The following CCDC126 variants were observed in gnomAD, a reference collection of about 807,000 sequenced individuals.
CCDC126 encodes coiled-coil domain-containing protein 126.
Under a neutral mutation model 11.7 loss-of-function variants are expected in CCDC126, and 5 were observed. The observed-to-expected ratio is 0.43, with a 90% CI of 0.22 to 0.90. The LOEUF is 0.90. CCDC126 is among the 40% of genes least tolerant of loss of function. CCDC126 has a pLI of 0.27. For synonymous variants in CCDC126, 60 were observed against 61.9 expected (o/e 0.97, Z 0.14); for missense variants, 150 against 163.1 (o/e 0.92, Z 0.44).
chr7:23,634,056 A>C (rs749523757), intron 3 of CCDC126, among the ~76,000 whole-genome samples: 1 of 152,256 alleles, frequency 6.6e-6, no homozygotes, highest in Admixed American at 6.5e-5. Flanking sequence ...CTGTGTGTAC[A>C]TACAGGTTTA....
intron 3 of CCDC126, among the ~76,000 whole-genome samples, chr7:23,624,300 A>G (rs1782975841): frequency 6.6e-6 from 1 of 152,132 alleles, no homozygotes; most frequent in African/African-American, 2.4e-5. Flanking sequence ...TGCCCTGGAC[A>G]CATATTTTTC....
At chr7:23,619,326 C>A (rs147084175) in intron 3 of CCDC126, 3,564 of 309,622 alleles carry the variant, frequency 0.012, 39 homozygotes, top group Non-Finnish European at 0.017. Flanking sequence ...AGGAGTGTGG[C>A]GTGACCATAG....
intron 3 of CCDC126, chr7:23,622,793 G>A: frequency 2.1e-6 from 1 of 468,798 alleles, no homozygotes; most frequent in South Asian, 1.6e-5. Flanking sequence ...ACATTGAATG[G>A]TTGCCAGATG....
intron 2 of CCDC126, among the ~76,000 whole-genome samples, chr7:23,606,275 G>A (rs1025801061): frequency 6.6e-6 from 1 of 152,028 alleles, no homozygotes; most frequent in African/African-American, 2.4e-5. Flanking sequence ...AGCCAGGATG[G>A]TCTCGATCTC....
intron 2 of CCDC126, among the ~76,000 whole-genome samples, chr7:23,610,700 C>T (rs1171507476): frequency 6.6e-6 from 1 of 152,132 alleles, no homozygotes; most frequent in African/African-American, 2.4e-5. Flanking sequence ...TGTTGGCACA[C>T]TCTGTTTATA....
chr7:23,630,519 C>A (rs576375875), intron 3 of CCDC126, among the ~76,000 whole-genome samples: 3 of 151,324 alleles, frequency 2.0e-5, no homozygotes, highest in South Asian at 4.2e-4. Flanking sequence ...ATCAATCATC[C>A]ATGAAGGCTG....
intron 3 of CCDC126, among the ~76,000 whole-genome samples, chr7:23,636,123 C>T (rs1166610557): frequency 6.6e-6 from 1 of 152,182 alleles, no homozygotes; most frequent in Non-Finnish European, 1.5e-5. Context: ...GCCTCGGCCT[C>T]CCTAGGTGCC....
At position 23,639,202 on chromosome 7, in the gene CCDC126, T is replaced by C. The variant is rs1783308141; in HGVS notation, c.239-3729T>C. 2.0e-5 allele frequency among the ~76,000 whole-genome samples: 3 copies of C among 150,522 alleles called. No homozygotes were observed. In the South Asian group the frequency reaches 6.3e-4, roughly 31 times the overall value. ...ACATTTTTTTTATGTCTTTTTTTTT[T>C]TTTTTTTGAGATGGAGTCTCGCTCT... On this transcript the variant is annotated intron_variant, in intron 3 of 3. Transcript: ENST00000307471.
rs201323433 is a variant in CCDC126 at position 23,599,727 on chromosome 7, G to A, written c.-146+1676G>A. 3.2e-3 allele frequency among the ~76,000 whole-genome samples: 479 copies of A among 151,908 alleles called. 4 individuals carry two copies. The highest frequency in any genetic ancestry group is 0.011 in the African/African-American group (464 of 41,392). The stretch of plus-strand genomic sequence containing the variant: ...TGCCTATGTCAGCTTCCCAAATGGT[G>A]GGATTATAGGTGTGAGCCCTGGAGC... On this transcript the variant is annotated intron_variant, in intron 2 of 3. Transcript: ENST00000307471.
At chr7:23,629,960 CAG>C (rs1465103656) in intron 3 of CCDC126, among the ~76,000 whole-genome samples, 2 of 152,146 alleles carry the variant, frequency 1.3e-5, no homozygotes, top group Non-Finnish European at 2.9e-5. Flanking sequence ...ACAGAGTCCT[CAG>C]ATTTAAGAAG....
At chr7:23,621,976 G>A (rs375109853) in intron 3 of CCDC126, among the ~76,000 whole-genome samples, 16 of 152,232 alleles carry the variant, frequency 1.1e-4, no homozygotes, top group East Asian at 9.7e-4. Flanking sequence ...TGCTGGATTC[G>A]GTTTGCCAGT....
intron 2 of CCDC126, among the ~76,000 whole-genome samples, chr7:23,599,570 T>C (rs1782496398): frequency 6.6e-6 from 1 of 151,992 alleles, no homozygotes; most frequent in Non-Finnish European, 1.5e-5. Context: ...TGGTGCTGGC[T>C]CACTGCAACT....
At chr7:23,601,291 G>A (rs994753001) in intron 2 of CCDC126, among the ~76,000 whole-genome samples, 31 of 152,170 alleles carry the variant, frequency 2.0e-4, no homozygotes, top group African/African-American at 7.2e-4. Flanking sequence ...TGAGGCAGGG[G>A]CAAGGGTGGG....
intron 3 of CCDC126, among the ~76,000 whole-genome samples, chr7:23,631,870 G>A (rs975554260): frequency 6.6e-6 from 1 of 151,846 alleles, no homozygotes; most frequent in African/African-American, 2.4e-5. Context: ...GTTTAAAGAA[G>A]AATTAGCATA....
intron 3 of CCDC126, among the ~76,000 whole-genome samples, chr7:23,621,816 T>C (rs1445636819): frequency 6.6e-6 from 1 of 152,244 alleles, no homozygotes; most frequent in Non-Finnish European, 1.5e-5. Context: ...GTCAAGGGCC[T>C]TTTCTGCATC....
chr7:23,636,839 G>A lies in CCDC126; in HGVS notation c.239-6092G>A, dbSNP rs1337068696. 1.3e-3 allele frequency among the ~76,000 whole-genome samples: 147 copies of A among 113,586 alleles called. 1 individual carries two copies. Among genetic ancestry groups the A allele is most frequent in the African/African-American group, 4.7e-3 (132 of 28,084 alleles). The allele number at this position is 113,586 out of a possible 152,430, so 74.5% of individuals were successfully genotyped here. ...AGGTGAGGGGCTCCTCTGCCCGGCC[G>A]CCCCTACTGGAAAGTGAGGAGCCCC... On this transcript the variant is annotated intron_variant, in intron 3 of 3. Transcript: ENST00000307471.
chr7:23,618,239 A>G (rs1204752539), intron 3 of CCDC126, among the ~76,000 whole-genome samples: 2 of 152,184 alleles, frequency 1.3e-5, no homozygotes, highest in African/African-American at 4.8e-5. Context: ...TGATTGAATC[A>G]TTGCCCACGT....
intron 3 of CCDC126, among the ~76,000 whole-genome samples, chr7:23,634,909 C>A (rs548030972): frequency 6.6e-6 from 1 of 152,280 alleles, no homozygotes; most frequent in African/African-American, 2.4e-5. Context: ...ATGATAGTAG[C>A]TTCCTGCTGT....
At chr7:23,628,830 T>G (rs1783057299) in intron 3 of CCDC126, among the ~76,000 whole-genome samples, 1 of 152,120 alleles carries the variant, frequency 6.6e-6, no homozygotes, top group Non-Finnish European at 1.5e-5. Context: ...TATGAGGCCA[T>G]CCCCACCACA....
Sources: gnomAD v4.1 joint callset for allele counts (sites outside exome capture counted in the v4.1 genomes callset) on GRCh38, gnomAD v4.1.1 for gene constraint, MANE v1.5 for transcripts, NCBI Gene and HGNC (gene_info 2026-07-23, HGNC 2026-07-21) for gene names.